Variants in PICALM observed in about 807,000 individuals in gnomAD.
The protein encoded by PICALM is phosphatidylinositol binding clathrin assembly protein.
In PICALM, 40 loss-of-function variants were observed where a neutral mutation model predicts 80.5. The observed-to-expected ratio is 0.50, with a 90% CI of 0.39 to 0.65. The LOEUF is 0.65. Among genes scored for constraint, PICALM ranks in the 30% least tolerant of loss-of-function variants. The pLI is 0.00. For synonymous variants in PICALM, 288 were observed against 260.3 expected (o/e 1.11, Z -1.02); for missense variants, 676 against 778.9 (o/e 0.87, Z 1.57).
At chr11:86,032,724 TA>T (rs1466494499) in intron 1 of PICALM, among the ~76,000 whole-genome samples, 1 of 152,166 alleles carries the variant, frequency 6.6e-6, no homozygotes, top group Non-Finnish European at 1.5e-5. Context: ...ATGTAATGTA[TA>T]AATGTCTCAG....
At chr11:86,051,290 G>C (rs2096181961) in intron 1 of PICALM, among the ~76,000 whole-genome samples, 1 of 152,160 alleles carries the variant, frequency 6.6e-6, no homozygotes. Flanking sequence ...TTTAGTAACA[G>C]ATTTTTGTGA....
At chr11:85,961,879 T>G (rs897644139) in intron 19 of PICALM, among the ~76,000 whole-genome samples, 1 of 151,956 alleles carries the variant, frequency 6.6e-6, no homozygotes, top group African/African-American at 2.4e-5. Context: ...ATTTATTTAT[T>G]TATTTATTTT....
intron 19 of PICALM, among the ~76,000 whole-genome samples, chr11:85,963,451 T>C (rs1026158760): frequency 1.3e-5 from 2 of 152,146 alleles, no homozygotes; most frequent in African/African-American, 2.4e-5. Flanking sequence ...CCAAAAAAAA[T>C]TGGTATAGCT....
intron 8 of PICALM, among the ~76,000 whole-genome samples, chr11:86,005,817 T>A (rs1302021166): frequency 1.3e-5 from 2 of 152,172 alleles, no homozygotes; most frequent in Non-Finnish European, 2.9e-5. Flanking sequence ...TTTTCACTCT[T>A]CTGCATTACC....
At chr11:86,022,557 C>T in intron 3 of PICALM, 88 bp from the exon 4 acceptor site, 1 of 641,726 alleles carries the variant, frequency 1.6e-6, no homozygotes, top group Non-Finnish European at 2.7e-6. Flanking sequence ...AGAAAAACAA[C>T]TCATTGCATC....
At chr11:86,047,025 TTATAA>T (rs2137209189) in intron 1 of PICALM, among the ~76,000 whole-genome samples, 1 of 152,360 alleles carries the variant, frequency 6.6e-6, no homozygotes, top group African/African-American at 2.4e-5. Context: ...GAATGCTCTA[TTATAA>T]TATCTCTATT....
chr11:86,061,512 GA>G (rs1224266079), intron 1 of PICALM, among the ~76,000 whole-genome samples: 1 of 152,036 alleles, frequency 6.6e-6, no homozygotes, highest in Admixed American at 6.5e-5. Flanking sequence ...GTATGCATAT[GA>G]AAAAAAGTCA....
At chr11:85,978,354 T>A (rs2094343053) in intron 17 of PICALM, 1 of 304,328 alleles carries the variant, frequency 3.3e-6, no homozygotes, top group East Asian at 6.1e-5. Flanking sequence ...AAAACATCAA[T>A]TCTATCAACA....
chr11:85,987,683 C>T (rs1031072168), intron 13 of PICALM, among the ~76,000 whole-genome samples: 1 of 152,230 alleles, frequency 6.6e-6, no homozygotes, highest in Non-Finnish European at 1.5e-5. Context: ...GTTGCCGAGG[C>T]TGGCCTCAAA....
chr11:86,014,914 C>T lies in PICALM; in HGVS notation c.502G>A (p.Val168Ile), dbSNP rs757198200. The change falls in exon 5 of 20, where the codon GTA becomes ATA. Residue 168 changes from valine to isoleucine, a missense_variant. Val to Ile is a conservative substitution (Grantham distance 29). This residue lies in a region of PICALM where 285 missense variants were observed against 395.4 expected (regional missense o/e 0.72). Coordinates refer to ENST00000393346, the MANE Select transcript of PICALM (RefSeq NM_007166.4). ...TCCATCTGATTCTGAATAATTGGTA[C>T]AGTTTTTAGGAGTTTTTCTGTGTTC... ...TMNTEKLLKT[V>I]PIIQNQMDAL... is the part of the protein sequence containing the mutation. The T allele has an allele frequency of 4.4e-6, 7 of 1,593,050 alleles. No individual in the cohort carries two copies. Among genetic ancestry groups the T allele is most frequent in the Non-Finnish European group, 6.0e-6 (7 of 1,166,416 alleles).
intron 1 of PICALM, among the ~76,000 whole-genome samples, chr11:86,037,238 C>T (rs1458166208): frequency 6.8e-6 from 1 of 147,294 alleles, no homozygotes; most frequent in Non-Finnish European, 1.5e-5. Context: ...AGCCACCACA[C>T]CCAGCCAAAA....
At chr11:85,970,532 T>C (rs772263002) in intron 19 of PICALM, among the ~76,000 whole-genome samples, 4 of 152,220 alleles carry the variant, frequency 2.6e-5, no homozygotes, top group Non-Finnish European at 5.9e-5. Flanking sequence ...TTCACCTCCT[T>C]AGGCTGGACA....
chr11:86,040,724 A>C (rs987680633), intron 1 of PICALM, among the ~76,000 whole-genome samples: 3 of 152,174 alleles, frequency 2.0e-5, no homozygotes, highest in Non-Finnish European at 4.4e-5. Context: ...TATATGTTTA[A>C]GTGTGTGTAT....
chr11:86,035,157 A>C (rs940969704), intron 1 of PICALM, among the ~76,000 whole-genome samples: 8 of 152,022 alleles, frequency 5.3e-5, no homozygotes, highest in African/African-American at 1.9e-4. Flanking sequence ...CAAAAAATTT[A>C]GAACTAAGCA....
intron 1 of PICALM, among the ~76,000 whole-genome samples, chr11:86,058,883 T>TAG (rs1194594000): frequency 1.3e-5 from 2 of 152,206 alleles, no homozygotes; most frequent in Non-Finnish European, 2.9e-5. Flanking sequence ...GGTCCTCTGT[T>TAG]TAATTCTTAA....
At chr11:86,008,020 T>C (rs2095314283) in intron 7 of PICALM, among the ~76,000 whole-genome samples, 1 of 151,798 alleles carries the variant, frequency 6.6e-6, no homozygotes, top group Non-Finnish European at 1.5e-5. Flanking sequence ...CCATAAAACA[T>C]GCTTTCCCTG....
At chr11:86,050,289 A>G (rs2096162830) in intron 1 of PICALM, among the ~76,000 whole-genome samples, 1 of 152,084 alleles carries the variant, frequency 6.6e-6, no homozygotes, top group South Asian at 2.1e-4. Context: ...AGCCAAAAAG[A>G]AAGTTCACCC....
chr11:85,996,683 G>T lies in PICALM; in HGVS notation c.1258+143C>A, dbSNP rs1352699170. 30 of 550,146 alleles carry T rather than the reference G, an allele frequency of 5.5e-5. 1 individual carries two copies. The South Asian group carries it at 7.3e-4, about 13-fold the overall frequency. 34.1% of individuals were successfully genotyped at this position (550,146 alleles called of 1,614,324 possible). A position where few individuals can be genotyped will look rare whatever the true frequency, so the allele number is the denominator to read the frequency against. ...TTATAATAAATGAACATACCTTCAA[G>T]GGATAAAATTGCTTCATTGCCATTT... is the stretch of plus-strand genomic sequence containing the variant. On this transcript the variant is annotated intron_variant, in intron 12 of 19. Transcript: ENST00000393346.
intron 12 of PICALM, among the ~76,000 whole-genome samples, chr11:85,995,126 C>G (rs575461714): frequency 1.3e-5 from 2 of 152,220 alleles, no homozygotes; most frequent in South Asian, 4.1e-4. Context: ...TGAATTAGAA[C>G]TTTCTTGGCT....
Sources: gnomAD v4.1 joint callset for allele counts (sites outside exome capture counted in the v4.1 genomes callset) on GRCh38, gnomAD v4.1.1 for gene constraint, gnomAD v4.1.1 regional missense constraint, MANE v1.5 for transcripts, NCBI Gene and HGNC (gene_info 2026-07-23, HGNC 2026-07-21) for gene names.